Variants in CCDC81 observed in about 807,000 individuals in gnomAD.
CCDC81 encodes coiled-coil domain-containing protein 81.
Under a neutral mutation model 83.7 loss-of-function variants are expected in CCDC81, and 79 were observed. The ratio of observed to expected loss-of-function variants is 0.94; its 90% CI spans 0.79 to 1.14. The LOEUF (loss-of-function observed/expected upper bound fraction) is 1.14. CCDC81 is among the 50% of genes most tolerant of loss of function. The pLI is 0.00. For missense variants in CCDC81, 791 were observed against 778.1 expected (o/e 1.02, Z -0.20); for synonymous variants, 252 against 278.1 (o/e 0.91, Z 0.93).
chr11:86,419,835 G>GT (rs112703220), intron 13 of CCDC81, 93 bp from the exon 14 acceptor site: 95,754 of 1,380,388 alleles, frequency 0.069, 4,446 homozygotes, highest in African/African-American at 0.23. Flanking sequence ...AAACCAGAAG[G>GT]TTTTTTTTGT....
At chr11:86,377,531 T>C (rs1160345951) in intron 1 of CCDC81, among the ~76,000 whole-genome samples, 1 of 152,198 alleles carries the variant, frequency 6.6e-6, no homozygotes, top group Non-Finnish European at 1.5e-5. Context: ...TTGTTTTATT[T>C]TGCATTTTCC....
In CCDC81 at chr11:86,408,154, G is replaced by A; in HGVS notation, c.997G>A (p.Ala333Thr). Residue 333 changes from alanine (A) to threonine (T), a missense_variant, in exon 9 of 15, where the codon GCA becomes ACA. By Grantham distance (58) the Ala-to-Thr change is moderately conservative (BLOSUM62 0). Coordinates refer to ENST00000445632, the MANE Select transcript of CCDC81 (RefSeq NM_001156474.2). ...QEMCYVCLQR[A>T]QRNSLLYYSE... is the part of the protein sequence containing the mutation. ...AATGTGCTATGTATGTTTGCAACGA[G>A]CACAACGAAATTCCCTGTTGTACTA... is the stretch of plus-strand genomic sequence containing the variant. 1 of 1,613,578 alleles carries A rather than the reference G, an allele frequency of 6.2e-7. No individual in the cohort carries two copies. Among genetic ancestry groups the A allele is most frequent in the Non-Finnish European group, 8.5e-7 (1 of 1,179,876 alleles).
At chr11:86,415,037 A>G in intron 12 of CCDC81, 56 bp from the exon 13 acceptor site, 1 of 1,581,072 alleles carries the variant, frequency 6.3e-7, no homozygotes. Context: ...AGGGTTGTGC[A>G]TAAAGCTTAT....
chr11:86,398,401 G>A (rs60404503), intron 6 of CCDC81, among the ~76,000 whole-genome samples: 1 of 152,258 alleles, frequency 6.6e-6, no homozygotes, highest in African/African-American at 2.4e-5. Context: ...GAAAAACAAA[G>A]AGTGGCAGTT....
chr11:86,409,433 T>G (rs1394781970), intron 10 of CCDC81, 68 bp downstream of exon 10: 4 of 684,206 alleles, frequency 5.8e-6, no homozygotes, highest in Non-Finnish European at 9.7e-6. Context: ...CCACTCCCTG[T>G]GTTGCAGGTT....
rs1948810397 is a variant in CCDC81 at position 86,422,677 on chromosome 11, C to T, written c.1921C>T (p.Leu641=). The change falls in exon 15 of 15, where the codon CTG becomes TTG. Residue 641 remains leucine, a synonymous_variant. Transcript: ENST00000445632. ...CGTGGGCGAGAGCAACCTGTGGCCC[C>T]TGAACAAGTTCCTGCCTGGCTCCCG... ...SNVGESNLWP[L]NKFLPGSRLL... The T allele has an allele frequency of 6.2e-7, 1 of 1,614,194 alleles. No homozygotes were observed. Among genetic ancestry groups the T allele is most frequent in the South Asian group, 1.1e-5 (1 of 91,086 alleles).
intron 7 of CCDC81, among the ~76,000 whole-genome samples, chr11:86,401,903 G>A (rs927039744): frequency 2.0e-5 from 3 of 152,080 alleles, no homozygotes; most frequent in East Asian, 1.9e-4. Flanking sequence ...TTGGGAGGCC[G>A]AGGCAGGCGG....
At chr11:86,420,172 C>G (rs989012586) in intron 14 of CCDC81, 119 bp downstream of exon 14, 1 of 1,178,130 alleles carries the variant, frequency 8.5e-7, no homozygotes, top group Non-Finnish European at 1.2e-6. Flanking sequence ...GAAAGCAAGT[C>G]TGTATTCCAT....
intron 4 of CCDC81, among the ~76,000 whole-genome samples, chr11:86,394,585 T>G (rs543152883): frequency 4.0e-4 from 61 of 152,368 alleles, no homozygotes; most frequent in Non-Finnish European, 6.6e-4. Context: ...AAAACTGTCT[T>G]GTAGGGTAGT....
rs900258583 is a variant in CCDC81, at chr11:86,422,453, T to C, written c.1818-121T>C. 3.7e-5 allele frequency: 30 copies of C among 816,116 alleles called. No individual in the cohort carries two copies. The East Asian group carries it at 6.8e-4, about 18-fold the overall frequency. The allele number at this position is 816,116 out of a possible 1,614,324, so 50.6% of individuals were successfully genotyped here. ...TGCCAGGATGGGGTGAACTGCAGCA[T>C]ACAGGCAGAGAACGCAAGGTGTCAC... On this transcript the variant is annotated intron_variant, in intron 14 of 14. Transcript: ENST00000445632.
At chr11:86,398,742 T>C (rs562701977) in intron 6 of CCDC81, among the ~76,000 whole-genome samples, 2 of 152,058 alleles carry the variant, frequency 1.3e-5, no homozygotes, top group East Asian at 3.9e-4. Context: ...CCAGCTAATT[T>C]TTGTATTTTT....
At chr11:86,417,606 T>TC (rs1948738669) in intron 13 of CCDC81, among the ~76,000 whole-genome samples, 1 of 152,168 alleles carries the variant, frequency 6.6e-6, no homozygotes, top group Non-Finnish European at 1.5e-5. Context: ...TTTTGCATTA[T>TC]TGATGAACAT....
Position 86,396,709 on chromosome 11 carries a change from C to G in CCDC81, c.636-912C>G, listed in dbSNP as rs570529397. Among the ~76,000 whole-genome samples the G allele has an allele frequency of 6.6e-5, 10 of 152,308 alleles. No homozygotes were observed. In the South Asian group the frequency reaches 2.1e-3, roughly 32 times the overall value. On this transcript the variant is annotated intron_variant, in intron 5 of 14. Coordinates refer to ENST00000445632, the MANE Select transcript of CCDC81 (RefSeq NM_001156474.2). ...ACGAAATGGCCATGCAACTAATAAGCAGCCAAGCTTATAGAAATAAAACCA... is the reference window on the plus strand; with the variant it reads ...ACGAAATGGCCATGCAACTAATAAGGAGCCAAGCTTATAGAAATAAAACCA...
At chr11:86,391,282 G>T (rs945600091) in intron 3 of CCDC81, among the ~76,000 whole-genome samples, 7 of 152,228 alleles carry the variant, frequency 4.6e-5, no homozygotes, top group African/African-American at 1.2e-4. Context: ...GCAGGCTGAT[G>T]CAGTGAAGCT....
intron 7 of CCDC81, among the ~76,000 whole-genome samples, chr11:86,402,812 T>C (rs1159501146): frequency 2.0e-5 from 3 of 151,986 alleles, no homozygotes; most frequent in South Asian, 2.1e-4. Flanking sequence ...TTTTAACCTA[T>C]GTTTGTTTGA....
rs138190348 is a variant in CCDC81 at position 86,381,172 on chromosome 11, C to A, written c.80-4879C>A. The stretch of plus-strand genomic sequence containing the variant: ...CTTTACAAATGTTTCTCAGATTTTT[C>A]CTTTCTCCTTAGGTGGGACAGAATG... On this transcript the variant is annotated intron_variant, in intron 1 of 14. Coordinates refer to ENST00000445632, the MANE Select transcript of CCDC81 (RefSeq NM_001156474.2). Among the ~76,000 whole-genome samples the A allele has an allele frequency of 2.2e-3, 340 of 152,234 alleles. 1 individual carries two copies. Among genetic ancestry groups the A allele is most frequent in the Non-Finnish European group, 4.0e-3 (271 of 68,014 alleles).
At chr11:86,383,106 T>C (rs1948195018) in intron 1 of CCDC81, among the ~76,000 whole-genome samples, 1 of 152,242 alleles carries the variant, frequency 6.6e-6, no homozygotes, top group Non-Finnish European at 1.5e-5. Flanking sequence ...CTTCTGTATG[T>C]TTTAGCAAAG....
intron 14 of CCDC81, among the ~76,000 whole-genome samples, chr11:86,422,001 C>A (rs1948798137): frequency 6.6e-6 from 1 of 151,882 alleles, no homozygotes; most frequent in Non-Finnish European, 1.5e-5. Context: ...GAAAAACCAT[C>A]AAAGGGGAAA....
Position 86,392,591 on chromosome 11 carries a change from C to T in CCDC81, c.349C>T (p.Pro117Ser). Residue 117 changes from proline (P) to serine (S), a missense_variant, in exon 4 of 15, where the codon CCA becomes TCA. Physicochemically the swap from Pro to Ser is moderately conservative, Grantham distance 74. Coordinates refer to ENST00000445632, the MANE Select transcript of CCDC81 (RefSeq NM_001156474.2). Reference sequence around the variant, plus strand: ...TTTTGTCATGATATCCCTGGAGGGTCCATTTAACAGAGATGTAGTGGAAGG... The same window carrying T: ...TTTTGTCATGATATCCCTGGAGGGTTCATTTAACAGAGATGTAGTGGAAGG... Reference protein sequence around the residue: ...LNFVMISLEGPFNRDVVEGCV... With the variant: ...LNFVMISLEGSFNRDVVEGCV... 2 of 1,551,606 alleles carry T rather than the reference C, an allele frequency of 1.3e-6. No homozygotes were observed. The highest frequency in any genetic ancestry group is 1.7e-6 in the Non-Finnish European group (2 of 1,146,964).
Sources: allele counts gnomAD v4.1 joint callset (sites outside exome capture counted in the v4.1 genomes callset), GRCh38; gene constraint gnomAD v4.1.1; transcripts MANE v1.5; gene names NCBI Gene and HGNC (gene_info 2026-07-23, HGNC 2026-07-21).